RBSN: variants seen among roughly 807,000 people sequenced by gnomAD.
The protein encoded by RBSN is rabenosyn-5.
RBSN carries 34 observed loss-of-function variants against 60.5 expected under a neutral mutation model. The ratio of observed to expected loss-of-function variants is 0.56; its 90% CI spans 0.43 to 0.75. RBSN has a LOEUF of 0.75. RBSN is among the 30% of genes least tolerant of loss of function. The pLI, the probability that RBSN is intolerant of heterozygous loss-of-function variation, is 0.00. For missense variants in RBSN, 845 were observed against 986.8 expected (o/e 0.86, Z 1.92); for synonymous variants, 322 against 366.9 (o/e 0.88, Z 1.40).
Position 15,082,698 on chromosome 3 carries a change from G to C in RBSN, c.599-90C>G, listed in dbSNP as rs1243635849. On this transcript the variant is annotated intron_variant, in intron 8 of 13. Coordinates refer to ENST00000253699, the MANE Select transcript of RBSN (RefSeq NM_022340.4). This position sits in a 1 kb window ranked among gnomAD's most constrained non-coding sequence, Gnocchi z 4.2. ...TCAAGGTGTCAGTCCACAGGTGTTT[G>C]ATTTGGAGAGTAATAAGATCAGGCT... 3.3e-6 allele frequency: 5 copies of C among 1,508,232 alleles called. No individual in the cohort carries two copies. In the East Asian group the frequency reaches 1.2e-4, roughly 37 times the overall value. 93.4% of individuals were successfully genotyped at this position (1,508,232 alleles called of 1,614,324 possible). A position where few individuals can be genotyped will look rare whatever the true frequency, so the allele number is the denominator to read the frequency against.
intron 1 of RBSN, 143 bp from the exon 2 acceptor site, chr3:15,098,417 C>T (rs767153031): frequency 2.9e-5 from 4 of 137,286 alleles, no homozygotes; most frequent in Non-Finnish European, 6.1e-5. Context: ...TAACTGAACA[C>T]ATAAGCAAGC....
At chr3:15,080,586 A>C (rs1215510531) in intron 10 of RBSN, 146 bp downstream of exon 10, 1 of 732,798 alleles carries the variant, frequency 1.4e-6, no homozygotes, top group Non-Finnish European at 2.3e-6. Flanking sequence ...CATAATAGCC[A>C]AAAGTGGAAA....
intron 10 of RBSN, 40 bp downstream of exon 10, chr3:15,080,692 A>C: frequency 6.3e-7 from 1 of 1,584,466 alleles, no homozygotes; most frequent in South Asian, 1.1e-5. Flanking sequence ...GCCAGAAAAC[A>C]GTCACCACTG....
chr3:15,084,067 G>A lies in RBSN; in HGVS notation c.598+668C>T, dbSNP rs1213165096. Among the ~76,000 whole-genome samples the A allele has an allele frequency of 6.6e-6, 1 of 152,198 alleles. No individual in the cohort carries two copies. Among genetic ancestry groups the A allele is most frequent in the East Asian group, 1.9e-4 (1 of 5,204 alleles). The stretch of plus-strand genomic sequence containing the variant: ...GTGAGCCAAGTCCAGCCTCCAGGCT[G>A]TTTCTATATGGCTCTCAAACTAAGT... On this transcript the variant is annotated intron_variant, in intron 8 of 13. Coordinates refer to ENST00000253699, the MANE Select transcript of RBSN (RefSeq NM_022340.4). The surrounding 1 kb of genome is among the most constrained non-coding windows in gnomAD (Gnocchi z 4.2).
intron 10 of RBSN, among the ~76,000 whole-genome samples, chr3:15,079,390 T>C (rs1171259068): frequency 6.6e-6 from 1 of 152,176 alleles, no homozygotes; most frequent in Non-Finnish European, 1.5e-5. Flanking sequence ...TGTTACTCTA[T>C]GGTAATATAT....
rs1411968445 is a variant in RBSN at position 15,072,649 on chromosome 3, T to C, written c.*1133A>G. On this transcript the variant is annotated 3_prime_UTR_variant, in exon 14 of 14. Coordinates refer to ENST00000253699, the MANE Select transcript of RBSN (RefSeq NM_022340.4). ...GATTTCTCCAGTGACAGACAATTGTTCTATCAGAAGAAGGGTGGGGAAACT... is the reference window on the plus strand; with the variant it reads ...GATTTCTCCAGTGACAGACAATTGTCCTATCAGAAGAAGGGTGGGGAAACT... 1 of 152,174 alleles carries C rather than the reference T, an allele frequency of 6.6e-6. No homozygotes were observed. Among genetic ancestry groups the C allele is most frequent in the Non-Finnish European group, 1.5e-5 (1 of 68,026 alleles). 9.4% of individuals were successfully genotyped at this position (152,174 alleles called of 1,614,324 possible).
chr3:15,073,587 A>C lies in RBSN; in HGVS notation c.*195T>G, dbSNP rs2042968798. 1.9e-6 allele frequency: 1 copy of C among 537,176 alleles called. No individual in the cohort carries two copies. Among genetic ancestry groups the C allele is most frequent in the African/African-American group, 1.9e-5 (1 of 52,494 alleles). 33.3% of individuals were successfully genotyped at this position (537,176 alleles called of 1,614,324 possible). ...ACTGAATGCTGATTCTCCCTGTTCT[A>C]GTTTCTATTTTATTATTCAACTGTA... On this transcript the variant is annotated 3_prime_UTR_variant, in exon 14 of 14. Coordinates refer to ENST00000253699, the MANE Select transcript of RBSN (RefSeq NM_022340.4).
Position 15,074,685 on chromosome 3 carries a change from A to T in RBSN, c.1452T>A (p.Thr484=). The T allele has an allele frequency of 6.2e-7, 1 of 1,614,214 alleles. No homozygotes were observed. The highest frequency in any genetic ancestry group is 1.1e-5 in the South Asian group (1 of 91,086). ...GCAGCTGCCGCAGGTTCTCCTGCAG[A>T]GTGCGCACTTCATCCATGCGGCCCG... The part of the protein sequence containing the change: ...KAAGRMDEVR[T]LQENLRQLQD... Residue 484 remains threonine (T), a synonymous_variant, in exon 14 of 14, where the codon ACT becomes ACA. Coordinates refer to ENST00000253699, the MANE Select transcript of RBSN (RefSeq NM_022340.4). The surrounding 1 kb of genome is among the most constrained non-coding windows in gnomAD (Gnocchi z 6.4).
At position 15,075,617 on chromosome 3, in the gene RBSN, C is replaced by A. The variant is rs200260379; in HGVS notation, c.1195G>T (p.Val399Leu). 1.2e-6 allele frequency: 2 copies of A among 1,613,994 alleles called. No homozygotes were observed. Among genetic ancestry groups the A allele is most frequent in the Non-Finnish European group, 1.7e-6 (2 of 1,179,868 alleles). The change falls in exon 13 of 14, where the codon GTG becomes TTG. Residue 399 changes from valine to leucine, a missense_variant. By Grantham distance (32) the Val-to-Leu change is conservative. Transcript: ENST00000253699. ...RKEEMERKRAVERQAALESQR... is the reference protein window; with the variant it reads ...RKEEMERKRALERQAALESQR... ...CTGGCTTCACTCACTTGTCTCTCCA[C>A]GGCCCTCTTCCTCTCCATTTCCTCC...
chr3:15,079,468 C>G (rs1464756918), intron 10 of RBSN, among the ~76,000 whole-genome samples: 1 of 151,952 alleles, frequency 6.6e-6, no homozygotes, highest in Admixed American at 6.6e-5. Flanking sequence ...CATGTCTACA[C>G]AAAAAACATA....
chr3:15,085,168 C>T (rs888246063), intron 6 of RBSN, 123 bp from the exon 7 acceptor site: 4 of 1,151,640 alleles, frequency 3.5e-6, no homozygotes, highest in Admixed American at 4.6e-5. Flanking sequence ...CTGTCATCCC[C>T]AACGCCACAA....
At position 15,084,718 on chromosome 3, in the gene RBSN, A is replaced by T. The variant is rs762297783; in HGVS notation, c.598+17T>A. 12 of 1,572,346 alleles carry T rather than the reference A, an allele frequency of 7.6e-6. No homozygotes were observed. Among genetic ancestry groups the T allele is most frequent in the Non-Finnish European group, 8.6e-7 (1 of 1,160,302 alleles). ...AAAGAAGATGAGGGTCCAGGGCCCCACCTCCAAGTCACCTACTTGCCAAGG... is the reference window on the plus strand; with the variant it reads ...AAAGAAGATGAGGGTCCAGGGCCCCTCCTCCAAGTCACCTACTTGCCAAGG... On this transcript the variant is annotated intron_variant, in intron 8 of 13. Coordinates refer to ENST00000253699, the MANE Select transcript of RBSN (RefSeq NM_022340.4). The surrounding 1 kb of genome is among the most constrained non-coding windows in gnomAD (Gnocchi z 4.2).
rs1217798694 is a variant in RBSN at position 15,071,358 on chromosome 3, AATGAGACCCT to A, written c.*2414_*2423del. The A allele has an allele frequency of 6.6e-6, 1 of 152,246 alleles. No individual in the cohort carries two copies. Among genetic ancestry groups the A allele is most frequent in the Non-Finnish European group, 1.5e-5 (1 of 68,024 alleles). 9.4% of individuals were successfully genotyped at this position (152,246 alleles called of 1,614,324 possible). A position where few individuals can be genotyped will look rare whatever the true frequency, so the allele number is the denominator to read the frequency against. On this transcript the variant is annotated 3_prime_UTR_variant, in exon 14 of 14. Coordinates refer to ENST00000253699, the MANE Select transcript of RBSN (RefSeq NM_022340.4). ...TTTCAGTTCATCCTCTTTTCAGAGA[AATGAGACCCT>A]AAGCAGGGAGGAGCCTACTGGCCAT...
chr3:15,098,226 A>C lies in RBSN; in HGVS notation c.-452T>G, dbSNP rs1307293090. On this transcript the variant is annotated 5_prime_UTR_variant, in exon 2 of 14. Coordinates refer to ENST00000253699, the MANE Select transcript of RBSN (RefSeq NM_022340.4). ...GACTGTAAAATCTGGGAGGGCACAG[A>C]CTCTATATGTTTTCCACTTCGCCGT... 6.6e-6 allele frequency: 1 copy of C among 151,942 alleles called. No individual in the cohort carries two copies. The highest frequency in any genetic ancestry group is 1.5e-5 in the Non-Finnish European group (1 of 68,026). The allele number at this position is 151,942 out of a possible 1,614,324, so 9.4% of individuals were successfully genotyped here. A position where few individuals can be genotyped will look rare whatever the true frequency, so the allele number is the denominator to read the frequency against.
rs55655564 is a variant in RBSN at position 15,091,210 on chromosome 3, CAAAAAAAA to C, written c.149-679_149-672del. 1.5e-3 allele frequency: 170 copies of C among 115,894 alleles called. 1 individual carries two copies. The highest frequency in any genetic ancestry group is 3.5e-3 in the South Asian group (7 of 2,024). The allele number at this position is 115,894 out of a possible 1,614,324, so 7.2% of individuals were successfully genotyped here. On this transcript the variant is annotated intron_variant, in intron 4 of 13. Transcript: ENST00000253699. Reference sequence around the variant, plus strand: ...GGACAACCAGAATGAGACCCTGTCTCAAAAAAAAAAAAAAAAAAAAAAAAAAATTAAAA... The same window carrying C: ...GGACAACCAGAATGAGACCCTGTCTCAAAAAAAAAAAAAAAAAAATTAAAA...
At chr3:15,081,889 C>G (rs981496885) in intron 9 of RBSN, among the ~76,000 whole-genome samples, 1 of 152,168 alleles carries the variant, frequency 6.6e-6, no homozygotes, top group Non-Finnish European at 1.5e-5. Flanking sequence ...ACTCAAGTAA[C>G]GACAGCTGAG....
chr3:15,076,317 T>C (rs1017964109), intron 12 of RBSN, among the ~76,000 whole-genome samples: 2 of 152,168 alleles, frequency 1.3e-5, no homozygotes, highest in African/African-American at 4.8e-5. Context: ...GATCTCTTTG[T>C]TGGCTGGGTG....
chr3:15,074,192 C>T lies in RBSN; in HGVS notation c.1945G>A (p.Val649Ile). 1.9e-6 allele frequency: 3 copies of T among 1,611,084 alleles called. No homozygotes were observed. Among genetic ancestry groups the T allele is most frequent in the South Asian group, 2.2e-5 (2 of 90,706 alleles). Reference sequence around the variant, plus strand: ...ATGCGGGCTGAAGGGTCTAAGGAAACCCCTGCAGCAGGAGGACCAGTAGTG... The same window carrying T: ...ATGCGGGCTGAAGGGTCTAAGGAAATCCCTGCAGCAGGAGGACCAGTAGTG... ...EATTGPPAAG[V>I]SLDPSARILK... The change falls in exon 14 of 14, where the codon GTT becomes ATT. Residue 649 changes from valine (V) to isoleucine (I), a missense_variant. Physicochemically the swap from Val to Ile is conservative, Grantham distance 29. Coordinates refer to ENST00000253699, the MANE Select transcript of RBSN (RefSeq NM_022340.4). This position sits in a 1 kb window ranked among gnomAD's most constrained non-coding sequence, Gnocchi z 6.4.
In RBSN at chr3:15,090,521, T is replaced by C. The variant is rs752768580; in HGVS notation, c.167A>G (p.Lys56Arg). The part of the protein sequence containing the change: ...GQIKSLVQKA[K>R]KAKDRLLKRE... ...TTTCAACAACCTGTCCTTTGCTTTT[T>C]TAGCCTTCTGGACAAGACCTTGAAA... The change falls in exon 5 of 14, where the codon AAA (lysine) becomes AGA (arginine). Residue 56 changes from lysine (K) to arginine (R), a missense_variant. By Grantham distance (26) the Lys-to-Arg change is conservative. Transcript: ENST00000253699. 2.2e-5 allele frequency: 35 copies of C among 1,614,092 alleles called. No homozygotes were observed. The highest frequency in any genetic ancestry group is 2.9e-5 in the Non-Finnish European group (34 of 1,180,048).
Sources: gnomAD v4.1 joint callset for allele counts (sites outside exome capture counted in the v4.1 genomes callset) on GRCh38, gnomAD v4.1.1 for gene constraint, Gnocchi (gnomAD v3.1) non-coding constraint, MANE v1.5 for transcripts, NCBI Gene and HGNC (gene_info 2026-07-23, HGNC 2026-07-21) for gene names.